The following SPOCK3 variants were observed in gnomAD, a reference collection of about 807,000 sequenced individuals.
SPOCK3 encodes SPARC (osteonectin), cwcv and kazal like domains proteoglycan 3.
A neutral mutation model predicts 56.6 loss-of-function variants in SPOCK3; 30 were observed. The observed-to-expected ratio is 0.53, with a 90% confidence interval of 0.40 to 0.72. SPOCK3 has a LOEUF of 0.72. Ranked by LOEUF, SPOCK3 falls within the 30% of genes least tolerant of loss-of-function variation. The pLI, the probability that SPOCK3 is intolerant of heterozygous loss-of-function variation, is 0.00. For missense variants in SPOCK3, 527 were observed against 530.0 expected, an observed-to-expected ratio of 0.99 and a Z score of 0.06; for synonymous variants, 196 against 183.3, an observed-to-expected ratio of 1.07 and a Z score of -0.56.
chr4:166,770,398 C>G (rs2100536), intron 7 of SPOCK3, among the ~76,000 whole-genome samples: 49,693 of 151,930 alleles, frequency 0.33, 8,336 homozygotes, highest in Admixed American at 0.41. Context: ...CCAGGATAAT[C>G]TCCTTATTTA....
chr4:167,204,429 G>T (rs1733828852), intron 2 of SPOCK3, among the ~76,000 whole-genome samples: 1 of 152,052 alleles, frequency 6.6e-6, no homozygotes, highest in African/African-American at 2.4e-5. Flanking sequence ...ATGGCGGAAG[G>T]CACCTTTTCA....
chr4:166,955,655 T>C (rs1204030832), intron 4 of SPOCK3, among the ~76,000 whole-genome samples: 1 of 146,834 alleles, frequency 6.8e-6, no homozygotes, highest in Non-Finnish European at 1.5e-5. Flanking sequence ...AATTATAATA[T>C]AAATTATAAT....
intron 8 of SPOCK3, among the ~76,000 whole-genome samples, chr4:166,745,378 C>A (rs777479933): frequency 7.9e-5 from 12 of 152,126 alleles, no homozygotes; most frequent in Non-Finnish European, 1.5e-4. Context: ...ATTTCATATC[C>A]AGCCAAACTA....
At chr4:167,119,711 A>G in intron 2 of SPOCK3, 1 of 978,592 alleles carries the variant, frequency 1.0e-6, no homozygotes, top group Non-Finnish European at 1.5e-6. Flanking sequence ...AAGTATTTAA[A>G]TAGAGAACGT....
rs528523430 is a variant in SPOCK3 at position 167,003,655 on chromosome 4, T to C, written c.236-3192A>G. Among the ~76,000 whole-genome samples, 65 of 152,336 alleles carry C rather than the reference T, an allele frequency of 4.3e-4. 1 individual carries two copies. The South Asian group carries it at 0.013, about 31-fold the overall frequency. Reference sequence around the variant, plus strand: ...CCGCATGATTGTATTTAGTTTTCTCTCCAGCAACCAGTCAAACTACCTCTA... The same window carrying C: ...CCGCATGATTGTATTTAGTTTTCTCCCCAGCAACCAGTCAAACTACCTCTA... On this transcript the variant is annotated intron_variant, in intron 3 of 10. Transcript: ENST00000357545.
intron 2 of SPOCK3, among the ~76,000 whole-genome samples, chr4:167,093,591 C>T (rs1306933397): frequency 6.6e-6 from 1 of 152,136 alleles, no homozygotes; most frequent in Non-Finnish European, 1.5e-5. Flanking sequence ...TGGTTTCCAG[C>T]TTCATCCATG....
intron 2 of SPOCK3, among the ~76,000 whole-genome samples, chr4:167,223,734 GAGCCT>G (rs1476894138): frequency 1.3e-5 from 2 of 152,088 alleles, no homozygotes; most frequent in Non-Finnish European, 2.9e-5. Context: ...AAGATCACTT[GAGCCT>G]AGGAGTTCGA....
chr4:167,104,077 G>A (rs940492574), intron 2 of SPOCK3, among the ~76,000 whole-genome samples: 2 of 152,074 alleles, frequency 1.3e-5, no homozygotes, highest in African/African-American at 4.8e-5. Context: ...CAACACCCAA[G>A]TCCTTTCAAG....
At chr4:167,083,381 C>T in intron 2 of SPOCK3, 1 of 753,994 alleles carries the variant, frequency 1.3e-6, no homozygotes, top group Non-Finnish European at 2.4e-6. Flanking sequence ...ATTCAACTTG[C>T]TCAACTCTAA....
intron 3 of SPOCK3, among the ~76,000 whole-genome samples, chr4:167,025,063 T>C (rs910302288): frequency 2.0e-5 from 3 of 151,996 alleles, no homozygotes; most frequent in African/African-American, 7.2e-5. Context: ...AGGAGAGCTA[T>C]ATGGATAGTC....
intron 4 of SPOCK3, among the ~76,000 whole-genome samples, chr4:166,954,944 G>A (rs1172548226): frequency 6.6e-6 from 1 of 151,986 alleles, no homozygotes; most frequent in African/African-American, 2.4e-5. Flanking sequence ...CTTTCACATA[G>A]CATAACTTTC....
intron 4 of SPOCK3, among the ~76,000 whole-genome samples, chr4:166,995,117 A>C (rs1176380252): frequency 6.6e-6 from 1 of 152,078 alleles, no homozygotes; most frequent in African/African-American, 2.4e-5. Context: ...AAGTCTACCA[A>C]TTGAATAAAT....
intron 6 of SPOCK3, among the ~76,000 whole-genome samples, chr4:166,830,378 CTT>C (rs1488959986): frequency 6.6e-6 from 1 of 152,122 alleles, no homozygotes; most frequent in African/African-American, 2.4e-5. Flanking sequence ...TATTTCATAA[CTT>C]ATTTTAACAA....
intron 6 of SPOCK3, among the ~76,000 whole-genome samples, chr4:166,835,836 C>G (rs552525690): frequency 6.6e-6 from 1 of 152,220 alleles, no homozygotes; most frequent in South Asian, 2.1e-4. Flanking sequence ...CCTGTCTCCA[C>G]TAAAAATAAA....
intron 2 of SPOCK3, among the ~76,000 whole-genome samples, chr4:167,154,042 C>T (rs1377022595): frequency 6.6e-6 from 1 of 152,052 alleles, no homozygotes; most frequent in Non-Finnish European, 1.5e-5. Flanking sequence ...GGATCACGTA[C>T]AATATTTATC....
At chr4:166,767,705 C>T (rs1005752944) in intron 7 of SPOCK3, among the ~76,000 whole-genome samples, 4 of 152,132 alleles carry the variant, frequency 2.6e-5, no homozygotes, top group African/African-American at 4.8e-5. Context: ...TCTATTAGGT[C>T]GGCTTGGTGC....
chr4:166,741,739 T>G (rs1281181991), intron 9 of SPOCK3, among the ~76,000 whole-genome samples: 1 of 152,198 alleles, frequency 6.6e-6, no homozygotes, highest in Non-Finnish European at 1.5e-5. Context: ...TGTTTTAACT[T>G]TAGCATTGCT....
At chr4:167,141,975 T>C (rs184021425) in intron 2 of SPOCK3, among the ~76,000 whole-genome samples, 36 of 152,162 alleles carry the variant, frequency 2.4e-4, no homozygotes, top group African/African-American at 7.9e-4. Flanking sequence ...GCCTGGGCTT[T>C]CTCAACAGCA....
At chr4:166,876,968 G>A (rs1579508670) in intron 6 of SPOCK3, among the ~76,000 whole-genome samples, 1 of 151,990 alleles carries the variant, frequency 6.6e-6, no homozygotes, top group East Asian at 1.9e-4. Flanking sequence ...AGAGAAATAA[G>A]ATAAATATTT....
Sources: allele counts gnomAD v4.1 joint callset (sites outside exome capture counted in the v4.1 genomes callset), GRCh38; gene constraint gnomAD v4.1.1; transcripts MANE v1.5; gene names NCBI Gene and HGNC (gene_info 2026-07-23, HGNC 2026-07-21).